Variants in PLCH1 observed in about 807,000 individuals in gnomAD.
PLCH1 encodes the protein phospholipase C eta 1, also known as 1-phosphatidylinositol 4,5-bisphosphate phosphodiesterase eta-1.
PLCH1 carries 60 observed loss-of-function variants against 126.7 expected under a neutral mutation model. The ratio of observed to expected loss-of-function variants is 0.47; its 90% confidence interval spans 0.38 to 0.59. The LOEUF (loss-of-function observed/expected upper bound fraction) is 0.59, where lower values mean the gene tolerates loss of function less well. Among genes scored for constraint, PLCH1 ranks in the 20% least tolerant of loss-of-function variants. PLCH1 has a pLI of 0.00. For missense variants in PLCH1, 1,723 were observed against 2,040.0 expected, an observed-to-expected ratio of 0.84 and a Z score of 2.99; for synonymous variants, 719 against 734.9, an observed-to-expected ratio of 0.98 and a Z score of 0.35.
intron 2 of PLCH1, among the ~76,000 whole-genome samples, chr3:155,702,346 T>A (rs199911797): frequency 1.4e-3 from 215 of 149,644 alleles, no homozygotes; most frequent in African/African-American, 4.6e-3. Context: ...ATTTTTTTTT[T>A]AATTAAAACG....
chr3:155,731,986 C>CAAAAAAAAAAAAAAAAAA (rs11449385), intron 1 of PLCH1, among the ~76,000 whole-genome samples: 1 of 68,292 alleles, frequency 1.5e-5, no homozygotes, highest in Non-Finnish European at 3.1e-5. Context: ...GACCCTGTCT[C>CAAAAAAAAAAAAAAAAAA]AAAAAAAAAA....
At chr3:155,469,440 C>T (rs565750087) in intron 21 of PLCH1, among the ~76,000 whole-genome samples, 475 of 152,326 alleles carry the variant, frequency 3.1e-3, no homozygotes, top group Non-Finnish European at 4.9e-3. Context: ...CATGGAGTCT[C>T]GCTGATTGCT....
At chr3:155,569,208 A>G (rs1186517765) in intron 6 of PLCH1, among the ~76,000 whole-genome samples, 1 of 152,186 alleles carries the variant, frequency 6.6e-6, no homozygotes, top group Non-Finnish European at 1.5e-5. Flanking sequence ...TATTTTGATC[A>G]AAAATCCATT....
chr3:155,666,407 T>A (rs1742731804), intron 2 of PLCH1, among the ~76,000 whole-genome samples: 1 of 152,240 alleles, frequency 6.6e-6, no homozygotes, highest in African/African-American at 2.4e-5. Context: ...AGTTCTCTTC[T>A]TTGTATTTTA....
At chr3:155,697,790 C>G (rs1745941725) in intron 2 of PLCH1, among the ~76,000 whole-genome samples, 1 of 152,200 alleles carries the variant, frequency 6.6e-6, no homozygotes, top group African/African-American at 2.4e-5. Context: ...ATGGCAGGTC[C>G]TCTCAGGAGG....
chr3:155,497,640 C>A (rs1446748102), intron 14 of PLCH1, among the ~76,000 whole-genome samples: 1 of 152,192 alleles, frequency 6.6e-6, no homozygotes, highest in Non-Finnish European at 1.5e-5. Flanking sequence ...TTTCCCTTTC[C>A]AGAGTTTCAT....
chr3:155,462,210 G>C (rs956411494), intron 21 of PLCH1, among the ~76,000 whole-genome samples: 2 of 152,112 alleles, frequency 1.3e-5, no homozygotes, highest in Non-Finnish European at 2.9e-5. Context: ...TACCACAATG[G>C]GGGCAGAGAG....
intron 7 of PLCH1, 91 bp from the exon 8 acceptor site, chr3:155,565,209 T>A (rs1728177711): frequency 1.3e-6 from 1 of 764,212 alleles, no homozygotes; most frequent in African/African-American, 1.7e-5. Flanking sequence ...AAAATGTTCA[T>A]AATGATTATC....
intron 8 of PLCH1, among the ~76,000 whole-genome samples, chr3:155,560,886 T>G (rs1271115662): frequency 6.6e-6 from 1 of 152,122 alleles, no homozygotes; most frequent in Non-Finnish European, 1.5e-5. Context: ...CTCCTCAACC[T>G]CCTTACCCTG....
chr3:155,722,390 G>A (rs1212500570), intron 1 of PLCH1, among the ~76,000 whole-genome samples: 2 of 152,084 alleles, frequency 1.3e-5, no homozygotes, highest in African/African-American at 2.4e-5. Flanking sequence ...TGGAACTCCT[G>A]ACCTCAGGTG....
At chr3:155,653,160 TATAG>T (rs1300242778) in intron 2 of PLCH1, among the ~76,000 whole-genome samples, 2 of 139,454 alleles carry the variant, frequency 1.4e-5, no homozygotes, top group African/African-American at 5.5e-5. Flanking sequence ...TAGATATAGA[TATAG>T]ATATAGATAT....
At chr3:155,513,170 T>C (rs1719835230) in intron 12 of PLCH1, among the ~76,000 whole-genome samples, 1 of 152,214 alleles carries the variant, frequency 6.6e-6, no homozygotes, top group Admixed American at 6.5e-5. Flanking sequence ...TAAACCGACA[T>C]ATGTATCTGG....
At chr3:155,599,379 T>A (rs371576263) in intron 2 of PLCH1, among the ~76,000 whole-genome samples, 1 of 151,734 alleles carries the variant, frequency 6.6e-6, no homozygotes, top group South Asian at 2.1e-4. Context: ...TAGGAAAGGG[T>A]ATGAGTTAAG....
chr3:155,512,659 G>A (rs1719745034), intron 12 of PLCH1, among the ~76,000 whole-genome samples: 1 of 152,144 alleles, frequency 6.6e-6, no homozygotes, highest in Admixed American at 6.5e-5. Flanking sequence ...AGAAAGTGGA[G>A]GTGTGCACGT....
At chr3:155,678,298 G>T (rs374238599) in intron 2 of PLCH1, among the ~76,000 whole-genome samples, 2 of 152,162 alleles carry the variant, frequency 1.3e-5, no homozygotes, top group East Asian at 1.9e-4. Flanking sequence ...CACATGGCAG[G>T]TTTATTCTGA....
chr3:155,667,427 T>A (rs928169316), intron 2 of PLCH1, among the ~76,000 whole-genome samples: 1 of 152,130 alleles, frequency 6.6e-6, no homozygotes, highest in African/African-American at 2.4e-5. Flanking sequence ...AAATTATCTA[T>A]TGAGTATATG....
At chr3:155,563,793 C>A (rs182774831) in intron 8 of PLCH1, among the ~76,000 whole-genome samples, 54 of 152,218 alleles carry the variant, frequency 3.5e-4, no homozygotes, top group Admixed American at 3.0e-3. Context: ...CACTCAAAAC[C>A]CTTTACAGCT....
At chr3:155,645,998 C>T (rs1301558936) in intron 2 of PLCH1, among the ~76,000 whole-genome samples, 1 of 152,070 alleles carries the variant, frequency 6.6e-6, no homozygotes, top group Non-Finnish European at 1.5e-5. Flanking sequence ...TGGTATCTGG[C>T]CCTGGAGTGA....
At position 155,695,500 on chromosome 3, in the gene PLCH1, C is replaced by T. The variant is rs73876919; in HGVS notation, c.79+8646G>A. On this transcript the variant is annotated intron_variant, in intron 2 of 22. Transcript: ENST00000460012. ...ACAGAGAGTGCAAAAATAGTGAAAC[C>T]GCTCTTATCTCCCCTATTAAATAAA... 8.5e-3 allele frequency among the ~76,000 whole-genome samples: 1,291 copies of T among 152,258 alleles called. 19 individuals are homozygous for T. The highest frequency in any genetic ancestry group is 0.029 in the African/African-American group (1,216 of 41,542).
Sources: gnomAD v4.1 joint callset for allele counts (sites outside exome capture counted in the v4.1 genomes callset) on GRCh38, gnomAD v4.1.1 for gene constraint, MANE v1.5 for transcripts, NCBI Gene and HGNC (gene_info 2026-07-23, HGNC 2026-07-21) for gene names.